TMEM51: variants seen among roughly 807,000 people sequenced by gnomAD.
TMEM51 encodes the protein transmembrane protein 51.
In TMEM51, 8 loss-of-function variants were observed where a neutral mutation model predicts 13.6. That is an observed-to-expected ratio of 0.59 (90% confidence interval 0.35 to 1.07). The LOEUF is 1.07. Ranked by LOEUF, TMEM51 falls within the 50% of genes least tolerant of loss-of-function variation. The pLI, the probability that TMEM51 is intolerant of heterozygous loss-of-function variation, is 0.02. For missense variants in TMEM51, 279 were observed against 330.7 expected (o/e 0.84, Z 1.21); for synonymous variants, 147 against 144.4 (o/e 1.02, Z -0.13).
At position 15,161,878 on chromosome 1, in the gene TMEM51, G is replaced by A. The variant is rs562596535; in HGVS notation, c.-267+7924G>A. Among the ~76,000 whole-genome samples, 49 of 152,108 alleles carry A rather than the reference G, an allele frequency of 3.2e-4. No individual in the cohort carries two copies. The highest frequency in any genetic ancestry group is 1.2e-3 in the South Asian group (6 of 4,830). On this transcript the variant is annotated intron_variant, in intron 1 of 3. Coordinates refer to ENST00000376008, the MANE Select transcript of TMEM51 (RefSeq NM_001136218.2). This position sits in a 1 kb window ranked among gnomAD's most constrained non-coding sequence, Gnocchi z 4.0. ...CGGGAGGCGGAGGTTGCAGTGAGCC[G>A]AGATGGAGCCACTGCACTCCAGCCT...
At chr1:15,212,066 C>T (rs905163802) in intron 2 of TMEM51, among the ~76,000 whole-genome samples, 3 of 152,028 alleles carry the variant, frequency 2.0e-5, no homozygotes, top group Non-Finnish European at 4.4e-5. Flanking sequence ...AATTTATTAC[C>T]CTGATCTGGA....
At chr1:15,206,134 G>A (rs571429768) in intron 1 of TMEM51, among the ~76,000 whole-genome samples, 1 of 151,974 alleles carries the variant, frequency 6.6e-6, no homozygotes, top group East Asian at 1.9e-4. Flanking sequence ...CTCCTCGGGG[G>A]CCGAGGTGGG....
At chr1:15,183,873 G>C (rs1643690136) in intron 1 of TMEM51, among the ~76,000 whole-genome samples, 1 of 152,230 alleles carries the variant, frequency 6.6e-6, no homozygotes, top group Admixed American at 6.5e-5. Flanking sequence ...ACATTTAAGT[G>C]ACAGATGAGA....
chr1:15,219,470 A>T lies in TMEM51; in HGVS notation c.489A>T (p.Ser163=), dbSNP rs755437557. ...RLSISLPSYE[S]LTGLDETTPT... is the part of the protein sequence containing the mutation. ...GCATCTCTCTCCCGTCCTATGAGTC[A>T]CTGACGGGGCTCGACGAGACCACCC... The change falls in exon 4 of 4, where the codon TCA becomes TCT. Residue 163 remains serine (S), a synonymous_variant. Transcript: ENST00000376008. 23 of 1,614,030 alleles carry T rather than the reference A, an allele frequency of 1.4e-5. No homozygotes were observed. The highest frequency in any genetic ancestry group is 1.9e-5 in the Non-Finnish European group (23 of 1,180,038).
At position 15,185,145 on chromosome 1, in the gene TMEM51, C is replaced by T. The variant is rs187598481; in HGVS notation, c.-266-25345C>T. Among the ~76,000 whole-genome samples, 76 of 152,198 alleles carry T rather than the reference C, an allele frequency of 5.0e-4. 3 individuals are homozygous for T. Among genetic ancestry groups the T allele is most frequent in the Admixed American group, 4.6e-3 (71 of 15,276 alleles). On this transcript the variant is annotated intron_variant, in intron 1 of 3. Coordinates refer to ENST00000376008, the MANE Select transcript of TMEM51 (RefSeq NM_001136218.2). Reference sequence around the variant, plus strand: ...GCAGATTTCCCATAAGCCACCTCACCGGTGAAGTAATGCTTGGGAAATGCT... The same window carrying T: ...GCAGATTTCCCATAAGCCACCTCACTGGTGAAGTAATGCTTGGGAAATGCT...
chr1:15,207,680 C>T lies in TMEM51; in HGVS notation c.-266-2810C>T, dbSNP rs1334866808. On this transcript the variant is annotated intron_variant, in intron 1 of 3. Coordinates refer to ENST00000376008, the MANE Select transcript of TMEM51 (RefSeq NM_001136218.2). This position sits in a 1 kb window ranked among gnomAD's most constrained non-coding sequence, Gnocchi z 4.6. ...GCACACGAGTGGAAAGAGCCTCTGC[C>T]CAGCGTGGAGCGGTGAGGCTAAAGG... Among the ~76,000 whole-genome samples, 2 of 152,188 alleles carry T rather than the reference C, an allele frequency of 1.3e-5. No individual in the cohort carries two copies. Among genetic ancestry groups the T allele is most frequent in the African/African-American group, 4.8e-5 (2 of 41,444 alleles).
chr1:15,179,511 A>G (rs1218380402), intron 1 of TMEM51, among the ~76,000 whole-genome samples: 4 of 152,228 alleles, frequency 2.6e-5, no homozygotes, highest in African/African-American at 9.6e-5. Flanking sequence ...TGGCCGGTGC[A>G]ATAGCTCCTG....
intron 1 of TMEM51, among the ~76,000 whole-genome samples, chr1:15,179,027 A>T (rs1196408105): frequency 6.6e-6 from 1 of 152,182 alleles, no homozygotes; most frequent in Non-Finnish European, 1.5e-5. Context: ...TGACTCAGGG[A>T]CTGCTCGTTA....
chr1:15,176,233 G>A lies in TMEM51; in HGVS notation c.-267+22279G>A, dbSNP rs144190680. Among the ~76,000 whole-genome samples, 504 of 152,304 alleles carry A rather than the reference G, an allele frequency of 3.3e-3. 4 individuals carry two copies. Among genetic ancestry groups the A allele is most frequent in the African/African-American group, 0.012 (485 of 41,542 alleles). Reference sequence around the variant, plus strand: ...GATTTGTTGAGGCTTCCTGTGAACAGTCCTATGCCCAGTGTTAGAGGAGTC... The same window carrying A: ...GATTTGTTGAGGCTTCCTGTGAACAATCCTATGCCCAGTGTTAGAGGAGTC... On this transcript the variant is annotated intron_variant, in intron 1 of 3. Coordinates refer to ENST00000376008, the MANE Select transcript of TMEM51 (RefSeq NM_001136218.2).
chr1:15,190,098 CCTT>C (rs745805549), intron 1 of TMEM51, among the ~76,000 whole-genome samples: 48 of 151,754 alleles, frequency 3.2e-4, no homozygotes, highest in Non-Finnish European at 4.0e-4. Context: ...ATTAAAAACT[CCTT>C]CTTTTAGAGC....
chr1:15,208,906 A>G (rs770114146), intron 1 of TMEM51, among the ~76,000 whole-genome samples: 1 of 152,122 alleles, frequency 6.6e-6, no homozygotes, highest in Non-Finnish European at 1.5e-5. Flanking sequence ...GCTTTTGGAC[A>G]TTCTTGTTAC....
rs143418031 is a variant in TMEM51 at position 15,183,664 on chromosome 1, G to A, written c.-266-26826G>A. ...CTGTGTGTTTGGTGCCATCTGCCCT[G>A]TGTCTGCCTTCATAGAGCTTACACC... is the stretch of plus-strand genomic sequence containing the variant. On this transcript the variant is annotated intron_variant, in intron 1 of 3. Transcript: ENST00000376008. Among the ~76,000 whole-genome samples, 52 of 152,328 alleles carry A rather than the reference G, an allele frequency of 3.4e-4. 1 individual carries two copies. The East Asian group carries it at 0.01, about 29-fold the overall frequency.
intron 1 of TMEM51, among the ~76,000 whole-genome samples, chr1:15,175,691 G>A (rs1291446616): frequency 6.6e-6 from 1 of 152,224 alleles, no homozygotes; most frequent in South Asian, 2.1e-4. Flanking sequence ...TTACATGGTG[G>A]CAGGCAAGAG....
chr1:15,216,092 C>T (rs551435686), intron 3 of TMEM51, among the ~76,000 whole-genome samples: 98 of 152,212 alleles, frequency 6.4e-4, no homozygotes, highest in African/African-American at 2.3e-3. Flanking sequence ...GAGCTGGAGG[C>T]CATTACTCTT....
At chr1:15,208,978 T>A (rs1432650004) in intron 1 of TMEM51, among the ~76,000 whole-genome samples, 1 of 152,164 alleles carries the variant, frequency 6.6e-6, no homozygotes, top group Non-Finnish European at 1.5e-5. Context: ...ATGAATAGTA[T>A]AATAAAACGC....
Position 15,153,850 on chromosome 1 carries a change from A to C in TMEM51, c.-371A>C, listed in dbSNP as rs929493712. On this transcript the variant is annotated 5_prime_UTR_variant, in exon 1 of 4. Coordinates refer to ENST00000376008, the MANE Select transcript of TMEM51 (RefSeq NM_001136218.2). ...GAATCCCCCGAACCCCAGCCCCGCGATCGCGGCGCCCACCGAGGAGGCCGC... is the reference window on the plus strand; with the variant it reads ...GAATCCCCCGAACCCCAGCCCCGCGCTCGCGGCGCCCACCGAGGAGGCCGC... 11 of 141,166 alleles carry C rather than the reference A, an allele frequency of 7.8e-5. No individual in the cohort carries two copies. Among genetic ancestry groups the C allele is most frequent in the African/African-American group, 2.9e-4 (11 of 37,346 alleles). 8.7% of individuals were successfully genotyped at this position (141,166 alleles called of 1,614,324 possible).
rs543640635 is a variant in TMEM51, at chr1:15,171,985, A to G, written c.-267+18031A>G. 5.9e-5 allele frequency among the ~76,000 whole-genome samples: 9 copies of G among 152,344 alleles called. No homozygotes were observed. The East Asian group carries it at 1.5e-3, about 26-fold the overall frequency. On this transcript the variant is annotated intron_variant, in intron 1 of 3. Transcript: ENST00000376008. Reference sequence around the variant, plus strand: ...GGCCCCAGCCCAGGCCTGCCGAGTCAGACTTCAGCAGTGGGACTCAGGAAT... The same window carrying G: ...GGCCCCAGCCCAGGCCTGCCGAGTCGGACTTCAGCAGTGGGACTCAGGAAT...
At chr1:15,198,447 C>A (rs536320806) in intron 1 of TMEM51, among the ~76,000 whole-genome samples, 2 of 152,198 alleles carry the variant, frequency 1.3e-5, no homozygotes, top group South Asian at 4.2e-4. Flanking sequence ...AACAGAGTCT[C>A]ACTGTGTTGC....
rs1644272389 is a variant in TMEM51 at position 15,207,539 on chromosome 1, GC to G, written c.-266-2947del. 6.6e-6 allele frequency among the ~76,000 whole-genome samples: 1 copy of G among 152,088 alleles called. No individual in the cohort carries two copies. Among genetic ancestry groups the G allele is most frequent in the African/African-American group, 2.4e-5 (1 of 41,414 alleles). On this transcript the variant is annotated intron_variant, in intron 1 of 3. Coordinates refer to ENST00000376008, the MANE Select transcript of TMEM51 (RefSeq NM_001136218.2). This position sits in a 1 kb window ranked among gnomAD's most constrained non-coding sequence, Gnocchi z 4.6. ...AATCCAGATGTGCCTGGCTGTGATG[GC>G]CCCACTCAGGTCTCAGCCACTCTGA...
Sources: gnomAD v4.1 joint callset for allele counts (sites outside exome capture counted in the v4.1 genomes callset) on GRCh38, gnomAD v4.1.1 for gene constraint, Gnocchi (gnomAD v3.1) non-coding constraint, MANE v1.5 for transcripts, NCBI Gene and HGNC (gene_info 2026-07-23, HGNC 2026-07-21) for gene names.